Variants in WFDC11 observed in about 807,000 individuals in gnomAD.
The protein encoded by WFDC11 is protein WFDC11.
WFDC11 carries 9 observed loss-of-function variants against 9.9 expected under a neutral mutation model. That is an observed-to-expected ratio of 0.91 (90% CI 0.55 to 1.58). The LOEUF (loss-of-function observed/expected upper bound fraction) is 1.58, where lower values mean the gene tolerates loss of function less well. Among genes scored for constraint, WFDC11 ranks in the 40% most tolerant of loss-of-function variants. WFDC11 has a pLI of 0.00. For missense variants in WFDC11, 106 were observed against 101.7 expected, an observed-to-expected ratio of 1.04 and a Z score of -0.18; for synonymous variants, 32 against 33.3, an observed-to-expected ratio of 0.96 and a Z score of 0.13.
intron 2 of WFDC11, among the ~76,000 whole-genome samples, chr20:45,663,789 A>T (rs1250509605): frequency 6.6e-6 from 1 of 152,192 alleles, no homozygotes; most frequent in Non-Finnish European, 1.5e-5. Context: ...GTGGTCTGAG[A>T]GACAGTTTGT....
At chr20:45,657,540 A>G (rs1982962694) in intron 2 of WFDC11, among the ~76,000 whole-genome samples, 1 of 152,174 alleles carries the variant, frequency 6.6e-6, no homozygotes, top group Admixed American at 6.5e-5. Flanking sequence ...ATGTGTAACT[A>G]ACCTGCACGT....
At chr20:45,652,409 C>A (rs192326787) in intron 2 of WFDC11, among the ~76,000 whole-genome samples, 3 of 151,874 alleles carry the variant, frequency 2.0e-5, no homozygotes, top group Admixed American at 1.3e-4. Flanking sequence ...ACAGAAAGGA[C>A]ATCCACACCA....
intron 2 of WFDC11, among the ~76,000 whole-genome samples, chr20:45,653,694 T>G (rs1982859675): frequency 6.6e-6 from 1 of 152,094 alleles, no homozygotes. Flanking sequence ...CCATCTCACA[T>G]GCAGAGACAC....
At chr20:45,648,852 T>C (rs774430535) in intron 4 of WFDC11, 113 bp from the exon 5 acceptor site, 4 of 1,152,386 alleles carry the variant, frequency 3.5e-6, no homozygotes, top group South Asian at 1.3e-5. Flanking sequence ...AAGAATACTT[T>C]AACGTAACAA....
At chr20:45,663,733 G>A (rs533520380) in intron 2 of WFDC11, among the ~76,000 whole-genome samples, 19 of 152,170 alleles carry the variant, frequency 1.2e-4, no homozygotes, top group African/African-American at 1.9e-4. Flanking sequence ...GTAGTTGAGC[G>A]GTTTTGAGTG....
At chr20:45,658,251 A>C (rs1430348239) in intron 2 of WFDC11, among the ~76,000 whole-genome samples, 2 of 152,118 alleles carry the variant, frequency 1.3e-5, no homozygotes, top group Non-Finnish European at 1.5e-5. Flanking sequence ...CTATCATCTT[A>C]ACAAATTTTT....
chr20:45,650,265 G>T (rs1385866899), intron 3 of WFDC11, among the ~76,000 whole-genome samples: 1 of 151,908 alleles, frequency 6.6e-6, no homozygotes, highest in Non-Finnish European at 1.5e-5. Context: ...GAGAGAGAGA[G>T]ACAGAGAGAG....
At chr20:45,657,695 C>T (rs916762453) in intron 2 of WFDC11, among the ~76,000 whole-genome samples, 1 of 152,126 alleles carries the variant, frequency 6.6e-6, no homozygotes, top group African/African-American at 2.4e-5. Context: ...GAGAATTGTT[C>T]CCCCTTCCAT....
intron 2 of WFDC11, among the ~76,000 whole-genome samples, chr20:45,664,414 C>G (rs6032417): frequency 6.6e-6 from 1 of 152,058 alleles, no homozygotes; most frequent in Admixed American, 6.5e-5. Flanking sequence ...GCATTTAGCC[C>G]ATTTACATTT....
chr20:45,664,473 G>A (rs1983145023), intron 2 of WFDC11, among the ~76,000 whole-genome samples: 2 of 152,168 alleles, frequency 1.3e-5, no homozygotes, highest in South Asian at 4.1e-4. Context: ...GATGTTAGCT[G>A]GTTATTTTGC....
chr20:45,669,324 T>A (rs6032419), intron 1 of WFDC11, among the ~76,000 whole-genome samples: 38,992 of 152,100 alleles, frequency 0.26, 5,832 homozygotes, highest in East Asian at 0.55. Flanking sequence ...GCATACCTCA[T>A]AGATATTACA....
intron 2 of WFDC11, among the ~76,000 whole-genome samples, chr20:45,665,824 G>A (rs1180157937): frequency 1.3e-5 from 2 of 152,116 alleles, no homozygotes; most frequent in Non-Finnish European, 2.9e-5. Flanking sequence ...GGCCATATGA[G>A]GTGTCTGTCG....
At position 45,652,049 on chromosome 20, in the gene WFDC11, A is replaced by C. The variant is rs190499678; in HGVS notation, c.-51-1398T>G. On this transcript the variant is annotated intron_variant, in intron 2 of 4. Transcript: ENST00000324384. Reference sequence around the variant, plus strand: ...CAAAAGGCAGCAGAATCCTCTACAGACTTAAATGTCCCTGTATGACAGCTT... The same window carrying C: ...CAAAAGGCAGCAGAATCCTCTACAGCCTTAAATGTCCCTGTATGACAGCTT... 7.9e-5 allele frequency among the ~76,000 whole-genome samples: 12 copies of C among 152,314 alleles called. No individual in the cohort carries two copies. In the East Asian group the frequency reaches 2.3e-3, roughly 29 times the overall value.
intron 2 of WFDC11, among the ~76,000 whole-genome samples, chr20:45,662,504 A>T (rs921108224): frequency 4.6e-5 from 7 of 152,196 alleles, no homozygotes; most frequent in Non-Finnish European, 8.8e-5. Flanking sequence ...GCCAGTTTTC[A>T]AAGGGAATGC....
At chr20:45,659,650 C>T (rs1444161817) in intron 2 of WFDC11, among the ~76,000 whole-genome samples, 4 of 152,120 alleles carry the variant, frequency 2.6e-5, no homozygotes, top group South Asian at 2.1e-4. Context: ...CATTTTTCTC[C>T]GATTCTGTAG....
At chr20:45,656,424 C>G (rs1426844967) in intron 2 of WFDC11, among the ~76,000 whole-genome samples, 1 of 152,102 alleles carries the variant, frequency 6.6e-6, no homozygotes, top group Non-Finnish European at 1.5e-5. Context: ...ACACCTTATA[C>G]AAAAATTAAT....
chr20:45,669,579 G>A (rs1370110874), intron 1 of WFDC11, among the ~76,000 whole-genome samples: 1 of 151,994 alleles, frequency 6.6e-6, no homozygotes, highest in Non-Finnish European at 1.5e-5. Context: ...TGACTTTTTG[G>A]TAAACAACAA....
chr20:45,660,344 G>T (rs562937345), intron 2 of WFDC11, among the ~76,000 whole-genome samples: 95 of 152,172 alleles, frequency 6.2e-4, no homozygotes, highest in African/African-American at 2.2e-3. Context: ...TTTTGGAATT[G>T]ATTTCCAGTT....
intron 2 of WFDC11, among the ~76,000 whole-genome samples, chr20:45,661,258 G>A (rs1180528815): frequency 2.6e-5 from 4 of 151,970 alleles, no homozygotes; most frequent in African/African-American, 9.7e-5. Flanking sequence ...ACTTTTTTAT[G>A]GGGTTGTTTG....
Sources: gnomAD v4.1 joint callset for allele counts (sites outside exome capture counted in the v4.1 genomes callset) on GRCh38, gnomAD v4.1.1 for gene constraint, MANE v1.5 for transcripts, NCBI Gene and HGNC (gene_info 2026-07-23, HGNC 2026-07-21) for gene names.